PDE9A: variants seen among roughly 807,000 people sequenced by gnomAD.
PDE9A encodes the protein phosphodiesterase 9A, also known as high affinity cGMP-specific 3',5'-cyclic phosphodiesterase 9A.
Under a neutral mutation model 87.4 loss-of-function variants are expected in PDE9A, and 60 were observed. The ratio of observed to expected loss-of-function variants is 0.69; its 90% CI spans 0.56 to 0.85. The LOEUF (loss-of-function observed/expected upper bound fraction) is 0.85. Among genes scored for constraint, PDE9A ranks in the 40% least tolerant of loss-of-function variants. The pLI, the probability that PDE9A is intolerant of heterozygous loss-of-function variation, is 0.00. For missense variants in PDE9A, 665 were observed against 779.0 expected (o/e 0.85, Z 1.74); for synonymous variants, 272 against 279.4 (o/e 0.97, Z 0.27).
intron 8 of PDE9A, among the ~76,000 whole-genome samples, chr21:42,749,337 C>T (rs2054191750): frequency 6.6e-6 from 1 of 152,210 alleles, no homozygotes; most frequent in Admixed American, 6.5e-5. Flanking sequence ...CCCCCACCCA[C>T]CATCGTCCAA....
intron 4 of PDE9A, among the ~76,000 whole-genome samples, chr21:42,709,684 T>G (rs1473212855): frequency 6.6e-6 from 1 of 152,144 alleles, no homozygotes; most frequent in African/African-American, 2.4e-5. Context: ...TGTTTGTGTG[T>G]GTGTGCGTTT....
intron 4 of PDE9A, among the ~76,000 whole-genome samples, chr21:42,726,618 A>ATTTTT (rs1486108848): frequency 1.2e-3 from 28 of 23,036 alleles, no homozygotes; most frequent in Non-Finnish European, 1.5e-3. Flanking sequence ...ATATATATAT[A>ATTTTT]TATATATTTT....
chr21:42,681,606 A>G (rs2059168612), intron 1 of PDE9A, among the ~76,000 whole-genome samples: 1 of 152,130 alleles, frequency 6.6e-6, no homozygotes, highest in Non-Finnish European at 1.5e-5. Context: ...GATTATGAAG[A>G]GGCATCAATT....
intron 1 of PDE9A, among the ~76,000 whole-genome samples, chr21:42,671,072 G>A (rs1447336990): frequency 1.3e-5 from 2 of 152,072 alleles, no homozygotes; most frequent in African/African-American, 2.4e-5. Flanking sequence ...AACCACAAAG[G>A]AAGCGTTCTA....
At chr21:42,737,657 C>G (rs988442245) in intron 7 of PDE9A, among the ~76,000 whole-genome samples, 5 of 152,182 alleles carry the variant, frequency 3.3e-5, no homozygotes, top group Non-Finnish European at 7.3e-5. Flanking sequence ...GGGGTTCCGC[C>G]ATGTTGGCCA....
At chr21:42,774,156 CAATA>C (rs985505044) in intron 19 of PDE9A, among the ~76,000 whole-genome samples, 16 of 151,970 alleles carry the variant, frequency 1.1e-4, no homozygotes, top group African/African-American at 3.9e-4. Context: ...AATAAATAAA[CAATA>C]AATAAGGTCA....
In PDE9A at chr21:42,760,596, C is replaced by A. The variant is rs1264687469; in HGVS notation, c.1002+164C>A. Among the ~76,000 whole-genome samples the A allele has an allele frequency of 5.9e-5, 9 of 151,980 alleles. No homozygotes were observed. The highest frequency in any genetic ancestry group is 4.4e-5 in the Non-Finnish European group (3 of 67,952). ...CACCCCTGCCCACCGTTGTCAGTCACCCCATGGGCGAGGCTGCTCCTAGGA... is the reference window on the plus strand; with the variant it reads ...CACCCCTGCCCACCGTTGTCAGTCAACCCATGGGCGAGGCTGCTCCTAGGA... On this transcript the variant is annotated intron_variant, in intron 12 of 19. Coordinates refer to ENST00000291539, the MANE Select transcript of PDE9A (RefSeq NM_002606.3). This position sits in a 1 kb window ranked among gnomAD's most constrained non-coding sequence, Gnocchi z 5.2.
rs983347637 is a variant in PDE9A at position 42,725,428 on chromosome 21, G to A, written c.263-6342G>A. Among the ~76,000 whole-genome samples the A allele has an allele frequency of 3.9e-5, 6 of 152,046 alleles. No homozygotes were observed. In the South Asian group the frequency reaches 8.3e-4, roughly 21 times the overall value. On this transcript the variant is annotated intron_variant, in intron 4 of 19. Coordinates refer to ENST00000291539, the MANE Select transcript of PDE9A (RefSeq NM_002606.3). ...CTAATTTTGTATTTTCAGTACAGAC[G>A]GGGTTTCTCCATGTTGGTCAGGCTG...
intron 1 of PDE9A, among the ~76,000 whole-genome samples, chr21:42,665,661 G>C (rs1162636212): frequency 6.6e-6 from 1 of 152,190 alleles, no homozygotes; most frequent in Non-Finnish European, 1.5e-5. Flanking sequence ...TAGGAAGCCG[G>C]ATGTGTCGCG....
At chr21:42,662,761 C>T (rs1331660780) in intron 1 of PDE9A, among the ~76,000 whole-genome samples, 1 of 142,618 alleles carries the variant, frequency 7.0e-6, no homozygotes, top group African/African-American at 2.7e-5. Context: ...ACGCACACCA[C>T]ACACAAGGAC....
chr21:42,759,299 C>G lies in PDE9A; in HGVS notation c.897+214C>G, dbSNP rs543092564. ...TCTTTACGCCCGAGCTACTCCTGCT[C>G]TGATAAGCAAGGAGTAGCTTATCAG... is the stretch of plus-strand genomic sequence containing the variant. On this transcript the variant is annotated intron_variant, in intron 11 of 19. Transcript: ENST00000291539. This position sits in a 1 kb window ranked among gnomAD's most constrained non-coding sequence, Gnocchi z 7.2. Among the ~76,000 whole-genome samples, 26 of 152,260 alleles carry G rather than the reference C, an allele frequency of 1.7e-4. No homozygotes were observed. The South Asian group carries it at 5.2e-3, about 30-fold the overall frequency.
At chr21:42,726,624 A>ATATATTTTTTTT in intron 4 of PDE9A, among the ~76,000 whole-genome samples, 9 of 19,778 alleles carry the variant, frequency 4.6e-4, no homozygotes, top group Non-Finnish European at 3.7e-4. Context: ...ATATATATAT[A>ATATATTTTTTTT]TTTTTTTTTT....
rs17115361 is a variant in PDE9A at position 42,689,006 on chromosome 21, G to A, written c.218+1012G>A. Among the ~76,000 whole-genome samples, 1,263 of 149,802 alleles carry A rather than the reference G, an allele frequency of 8.4e-3. 11 individuals carry two copies. Among genetic ancestry groups the A allele is most frequent in the African/African-American group, 0.029 (1,188 of 40,572 alleles). ...GCCAGAGCCGTCCCCCTCAGTGAGC[G>A]CTCAGTAGACATGGCCAGTGCCGTC... On this transcript the variant is annotated intron_variant, in intron 3 of 19. Transcript: ENST00000291539.
At chr21:42,753,880 A>T in intron 9 of PDE9A, 110 bp from the exon 10 acceptor site, 2 of 593,972 alleles carry the variant, frequency 3.4e-6, no homozygotes, top group Non-Finnish European at 5.8e-6. Flanking sequence ...AAAAAAAAAG[A>T]AAGAAAGAAA....
rs34238765 is a variant in PDE9A, at chr21:42,674,316, C to CTTTTTT, written c.70-11864_70-11859dup. On this transcript the variant is annotated intron_variant, in intron 1 of 19. Coordinates refer to ENST00000291539, the MANE Select transcript of PDE9A (RefSeq NM_002606.3). ...GCTGGAGCTTTAGGCTTTAGACATT[C>CTTTTTT]TTTTTTTTTTTTTTTTTGAGACAGG... Among the ~76,000 whole-genome samples the CTTTTTT allele has an allele frequency of 2.5e-3, 330 of 134,580 alleles. 5 individuals carry two copies. Among genetic ancestry groups the CTTTTTT allele is most frequent in the African/African-American group, 8.7e-3 (306 of 35,248 alleles). The allele number at this position is 134,580 out of a possible 152,430, so 88.3% of individuals were successfully genotyped here. A position where few individuals can be genotyped will look rare whatever the true frequency, so the allele number is the denominator to read the frequency against.
At chr21:42,763,641 G>T (rs1317497480) in intron 14 of PDE9A, among the ~76,000 whole-genome samples, 1 of 152,148 alleles carries the variant, frequency 6.6e-6, no homozygotes, top group South Asian at 2.1e-4. Flanking sequence ...TTTGTGTGGC[G>T]GCCCCAGGAC....
rs1023870059 is a variant in PDE9A, at chr21:42,765,317, A to T, written c.1243-64A>T. The T allele has an allele frequency of 1.0e-5, 9 of 864,898 alleles. No individual in the cohort carries two copies. The African/African-American group carries it at 1.5e-4, about 15-fold the overall frequency. The allele number at this position is 864,898 out of a possible 1,614,324, so 53.6% of individuals were successfully genotyped here. The stretch of plus-strand genomic sequence containing the variant: ...GTGTGCAGGGGGCTCAGTACACAGT[A>T]GGCCTCCGCTGAATAATTGTTCAGA... On this transcript the variant is annotated intron_variant, in intron 14 of 19. Transcript: ENST00000291539.
In PDE9A at chr21:42,721,707, T is replaced by G. The variant is rs113792791; in HGVS notation, c.263-10063T>G. 6.2e-3 allele frequency among the ~76,000 whole-genome samples: 940 copies of G among 152,142 alleles called. 15 individuals are homozygous for G. The highest frequency in any genetic ancestry group is 0.022 in the African/African-American group (899 of 41,508). On this transcript the variant is annotated intron_variant, in intron 4 of 19. Transcript: ENST00000291539. ...AGCAAAAGTGGGACAGAAGATGAGT[T>G]TGCTTCCCAGGAAGAGAGACAGTGC...
chr21:42,771,099 T>C (rs948770888), intron 18 of PDE9A, among the ~76,000 whole-genome samples: 4 of 152,224 alleles, frequency 2.6e-5, no homozygotes, highest in Non-Finnish European at 5.9e-5. Flanking sequence ...CAGGTGTCTT[T>C]GGGTGTATCA....
Sources: allele counts gnomAD v4.1 joint callset (sites outside exome capture counted in the v4.1 genomes callset), GRCh38; gene constraint gnomAD v4.1.1; non-coding constraint Gnocchi (gnomAD v3.1); transcripts MANE v1.5; gene names NCBI Gene and HGNC (gene_info 2026-07-23, HGNC 2026-07-21).